Variants in ADARB2 observed in about 807,000 individuals in gnomAD.
ADARB2 encodes the protein adenosine deaminase RNA specific B2 (inactive).
A neutral mutation model predicts 62.2 loss-of-function variants in ADARB2; 25 were observed. That is an observed-to-expected ratio of 0.40 (90% CI 0.29 to 0.56). The LOEUF (loss-of-function observed/expected upper bound fraction) is 0.56, where lower values mean the gene tolerates loss of function less well. Among genes scored for constraint, ADARB2 ranks in the 20% least tolerant of loss-of-function variants. The pLI is 0.43. For synonymous variants in ADARB2, 572 were observed against 500.8 expected (o/e 1.14, Z -1.90); for missense variants, 1,071 against 1,077.4 (o/e 0.99, Z 0.08).
At chr10:1,610,896 GCA>G (rs922283409) in intron 1 of ADARB2, among the ~76,000 whole-genome samples, 12 of 151,926 alleles carry the variant, frequency 7.9e-5, no homozygotes, top group African/African-American at 2.4e-4. Flanking sequence ...ACATGTAAAT[GCA>G]CACACACAGA....
chr10:1,679,574 G>C (rs1262364563), intron 1 of ADARB2, among the ~76,000 whole-genome samples: 1 of 152,186 alleles, frequency 6.6e-6, no homozygotes, highest in Non-Finnish European at 1.5e-5. Context: ...CTCATTTCAT[G>C]TGACCTGGCT....
chr10:1,578,632 T>A (rs1833052632), intron 1 of ADARB2, among the ~76,000 whole-genome samples: 1 of 150,466 alleles, frequency 6.6e-6, no homozygotes, highest in South Asian at 2.1e-4. Context: ...CTGTTCTCCA[T>A]GAGCTCACAC....
chr10:1,437,328 G>A (rs530670924), intron 1 of ADARB2, among the ~76,000 whole-genome samples: 22 of 151,980 alleles, frequency 1.4e-4, no homozygotes, highest in South Asian at 6.2e-4. Flanking sequence ...GTGGATGAAC[G>A]TAAAGTTAGT....
rs1192627445 is a variant in ADARB2 at position 1,178,889 on chromosome 10, C to T, written c.*4304G>A. 1 of 152,122 alleles carries T rather than the reference C, an allele frequency of 6.6e-6. No individual in the cohort carries two copies. The highest frequency in any genetic ancestry group is 2.4e-5 in the African/African-American group (1 of 41,428). The allele number at this position is 152,122 out of a possible 1,614,324, so 9.4% of individuals were successfully genotyped here. A position where few individuals can be genotyped will look rare whatever the true frequency, so the allele number is the denominator to read the frequency against. ...TGTTATGAGAGGCGGCTGCAGCGAT[C>T]CAACGGTAGTACATAAAAGGAAAGC... On this transcript the variant is annotated 3_prime_UTR_variant, in exon 10 of 10. Coordinates refer to ENST00000381312, the MANE Select transcript of ADARB2 (RefSeq NM_018702.4).
At chr10:1,326,825 C>A (rs113522540) in intron 3 of ADARB2, among the ~76,000 whole-genome samples, 7,378 of 51,536 alleles carry the variant, frequency 0.14, 2,070 homozygotes, top group Non-Finnish European at 0.2. Flanking sequence ...TCCCCACGGC[C>A]CAGCGCCTCC....
At chr10:1,226,003 G>T (rs1830742335) in intron 6 of ADARB2, among the ~76,000 whole-genome samples, 1 of 152,174 alleles carries the variant, frequency 6.6e-6, no homozygotes. Flanking sequence ...CCTGCAGAGT[G>T]TTTTCCAACT....
chr10:1,460,349 T>C (rs111773542), intron 1 of ADARB2, among the ~76,000 whole-genome samples: 4 of 47,290 alleles, frequency 8.5e-5, no homozygotes, highest in Non-Finnish European at 1.3e-4. Flanking sequence ...AGTTTACCTG[T>C]GTAACGAACC....
At chr10:1,489,573 CAA>C (rs1564305865) in intron 1 of ADARB2, among the ~76,000 whole-genome samples, 2 of 152,314 alleles carry the variant, frequency 1.3e-5, no homozygotes, top group African/African-American at 2.4e-5. Flanking sequence ...AGAAAAACAA[CAA>C]AGTCAATCTC....
intron 1 of ADARB2, among the ~76,000 whole-genome samples, chr10:1,667,947 G>C (rs1022706787): frequency 6.6e-6 from 1 of 152,186 alleles, no homozygotes; most frequent in African/African-American, 2.4e-5. Context: ...GCCTTGTTGG[G>C]AATATGTTGG....
At chr10:1,557,716 C>A (rs1279936323) in intron 1 of ADARB2, among the ~76,000 whole-genome samples, 1 of 152,136 alleles carries the variant, frequency 6.6e-6, no homozygotes, top group Non-Finnish European at 1.5e-5. Context: ...CCAGCCTGAC[C>A]AACATGGTGA....
chr10:1,659,710 C>T (rs376320208), intron 1 of ADARB2, among the ~76,000 whole-genome samples: 1 of 152,278 alleles, frequency 6.6e-6, no homozygotes, highest in South Asian at 2.1e-4. Context: ...CTGGGCAACC[C>T]ATCATGCTGC....
At chr10:1,428,438 C>T (rs1384349243) in intron 1 of ADARB2, among the ~76,000 whole-genome samples, 6 of 152,012 alleles carry the variant, frequency 3.9e-5, no homozygotes, top group Non-Finnish European at 8.8e-5. Flanking sequence ...AGGCACCCAT[C>T]ACCACGCCCA....
At chr10:1,683,309 T>C (rs904852128) in intron 1 of ADARB2, among the ~76,000 whole-genome samples, 1 of 152,232 alleles carries the variant, frequency 6.6e-6, no homozygotes, top group Non-Finnish European at 1.5e-5. Flanking sequence ...GGAATCCAAC[T>C]GACCTGATTG....
At position 1,737,276 on chromosome 10, in the gene ADARB2, T is replaced by C; in HGVS notation, c.-126A>G. The C allele has an allele frequency of 8.8e-6, 8 of 904,550 alleles. No homozygotes were observed. Among genetic ancestry groups the C allele is most frequent in the Non-Finnish European group, 1.2e-5 (7 of 585,732 alleles). The allele number at this position is 904,550 out of a possible 1,614,324, so 56.0% of individuals were successfully genotyped here. A position where few individuals can be genotyped will look rare whatever the true frequency, so the allele number is the denominator to read the frequency against. On this transcript the variant is annotated 5_prime_UTR_variant, in exon 1 of 10. Coordinates refer to ENST00000381312, the MANE Select transcript of ADARB2 (RefSeq NM_018702.4). ...TGCAAACCCGGGAGCGGCTCACTTT[T>C]CAGGACTGAGCAGGAAAGCGCGCTC...
intron 3 of ADARB2, among the ~76,000 whole-genome samples, chr10:1,359,114 GAC>G (rs1438357274): frequency 6.6e-6 from 1 of 152,110 alleles, no homozygotes; most frequent in Non-Finnish European, 1.5e-5. Context: ...TTTATATCCT[GAC>G]ACAGTCTTGT....
chr10:1,685,305 C>T (rs1232140336), intron 1 of ADARB2, among the ~76,000 whole-genome samples: 3 of 152,106 alleles, frequency 2.0e-5, no homozygotes, highest in Admixed American at 6.6e-5. Context: ...AATGAGCACA[C>T]CAAGATCAAC....
chr10:1,206,249 G>A (rs1025670562), intron 7 of ADARB2, among the ~76,000 whole-genome samples: 1 of 152,178 alleles, frequency 6.6e-6, no homozygotes, highest in Non-Finnish European at 1.5e-5. Flanking sequence ...CTCCATTCCC[G>A]GGTCCTAACG....
intron 1 of ADARB2, among the ~76,000 whole-genome samples, chr10:1,658,136 C>T (rs1006227221): frequency 4.0e-5 from 6 of 151,232 alleles, no homozygotes; most frequent in African/African-American, 1.5e-4. Context: ...TGCTGTCTCT[C>T]TCTCTCTCTG....
intron 1 of ADARB2, among the ~76,000 whole-genome samples, chr10:1,470,274 T>C (rs1377783598): frequency 6.6e-6 from 1 of 152,250 alleles, no homozygotes; most frequent in Non-Finnish European, 1.5e-5. Context: ...GAGGTCATGA[T>C]GTGCTTATGT....
Sources: gnomAD v4.1 joint callset for allele counts (sites outside exome capture counted in the v4.1 genomes callset) on GRCh38, gnomAD v4.1.1 for gene constraint, MANE v1.5 for transcripts, NCBI Gene and HGNC (gene_info 2026-07-23, HGNC 2026-07-21) for gene names.